The following NBAS variants were observed in gnomAD, a reference collection of about 807,000 sequenced individuals.
The protein encoded by NBAS is NBAS subunit of NRZ tethering complex, also known as NAG/BC035112 fusion.
A neutral mutation model predicts 302.5 loss-of-function variants in NBAS; 219 were observed. That is an observed-to-expected ratio of 0.72 (90% CI 0.65 to 0.81). NBAS has a LOEUF of 0.81. NBAS is among the 30% of genes least tolerant of loss of function. The pLI is 0.00. For missense variants in NBAS, 2,932 were observed against 2,841.6 expected (o/e 1.03, Z -0.72); for synonymous variants, 1,118 against 1,021.6 (o/e 1.09, Z -1.80).
chr2:15,144,037 C>CCATATATATATATA, the NBAS span, among the ~76,000 whole-genome samples: 2 of 45,890 alleles, frequency 4.4e-5, no homozygotes, highest in African/African-American at 3.8e-4. Flanking sequence ...ATATATTATC[C>CCATATATATATATA]TATATATAAA....
the NBAS span, among the ~76,000 whole-genome samples, chr2:14,982,339 G>A: frequency 1.3e-5 from 2 of 152,144 alleles, no homozygotes; most frequent in African/African-American, 2.4e-5. Flanking sequence ...GTTAACCCAC[G>A]GAATGGTGGA....
chr2:15,523,863 G>A (rs1331646621), intron 9 of NBAS, among the ~76,000 whole-genome samples: 7 of 152,098 alleles, frequency 4.6e-5, no homozygotes, highest in Non-Finnish European at 5.9e-5. Flanking sequence ...GTAGTAAGCC[G>A]AGATCACGCC....
At chr2:15,542,661 A>T (rs189960558) in intron 6 of NBAS, among the ~76,000 whole-genome samples, 252 of 152,208 alleles carry the variant, frequency 1.7e-3, no homozygotes, top group African/African-American at 5.8e-3. Context: ...AAAAAAATAA[A>T]AAAAAAATCA....
the NBAS span, among the ~76,000 whole-genome samples, chr2:15,115,310 A>G: frequency 6.6e-6 from 1 of 152,234 alleles, no homozygotes; most frequent in African/African-American, 2.4e-5. Context: ...ACATGGCAAC[A>G]TGTAACTAGG....
intron 44 of NBAS, among the ~76,000 whole-genome samples, chr2:15,255,510 GT>G (rs1268417979): frequency 6.6e-6 from 1 of 152,122 alleles, no homozygotes; most frequent in Non-Finnish European, 1.5e-5. Context: ...CACTCTGTAG[GT>G]TGTTGAGTAG....
At chr2:15,074,953 G>C in the NBAS span, among the ~76,000 whole-genome samples, 1 of 152,308 alleles carries the variant, frequency 6.6e-6, no homozygotes, top group South Asian at 2.1e-4. Flanking sequence ...ACAATACCCA[G>C]TGTTGGTTGA....
the NBAS span, among the ~76,000 whole-genome samples, chr2:15,134,888 G>C: frequency 6.6e-6 from 1 of 152,134 alleles, no homozygotes; most frequent in Non-Finnish European, 1.5e-5. Flanking sequence ...CCCTCTAATG[G>C]GTCGGAGCTT....
intron 40 of NBAS, among the ~76,000 whole-genome samples, chr2:15,301,974 A>G (rs879832574): frequency 1.4e-4 from 22 of 152,198 alleles, no homozygotes; most frequent in Non-Finnish European, 3.2e-4. Flanking sequence ...GGATGTCTAC[A>G]CCTCCATTTT....
Position 15,308,345 on chromosome 2 carries a change from A to G in NBAS, c.4668T>C (p.Asp1556=), listed in dbSNP as rs140727323. ...AYLLALPQVL[D]ANRCFEKQSP... ...ACTGCTTTTCAAAGCACCGGTTAGC[A>G]TCTAACACCTAGGAGGGAACATGTT... The change falls in exon 40 of 52, where the codon GAT becomes GAC. Residue 1556 remains aspartate, a synonymous_variant. Transcript: ENST00000281513. The G allele has an allele frequency of 6.1e-4, 977 of 1,614,104 alleles. 2 individuals carry two copies. Among genetic ancestry groups the G allele is most frequent in the Non-Finnish European group, 6.8e-4 (805 of 1,179,992 alleles).
At chr2:15,118,399 G>T in the NBAS span, among the ~76,000 whole-genome samples, 1 of 152,138 alleles carries the variant, frequency 6.6e-6, no homozygotes, top group South Asian at 2.1e-4. Flanking sequence ...GGTGGTGGTT[G>T]GTATCCAAAA....
Position 15,179,024 on chromosome 2 carries a change from G to T in NBAS, c.6804C>A (p.His2268Gln). ...CCGTGATTTGCTCCAGTGCCATCTC[G>T]TGCAGATGCTCATCTCGGCTCTCGA... Reference protein sequence around the residue: ...LLLESRDEHLHEMALEQITAV... With the variant: ...LLLESRDEHLQEMALEQITAV... The change falls in exon 51 of 52, where the codon CAC (histidine) becomes CAA (glutamine). Residue 2268 changes from histidine to glutamine, a missense_variant. By Grantham distance (24) the His-to-Gln change is conservative. Coordinates refer to ENST00000281513, the MANE Select transcript of NBAS (RefSeq NM_015909.4). 2 of 1,614,060 alleles carry T rather than the reference G, an allele frequency of 1.2e-6. No homozygotes were observed. Among genetic ancestry groups the T allele is most frequent in the Non-Finnish European group, 1.7e-6 (2 of 1,180,026 alleles).
chr2:15,538,183 TTAAA>T (rs200773787), intron 7 of NBAS, among the ~76,000 whole-genome samples: 1,881 of 152,292 alleles, frequency 0.012, 31 homozygotes, highest in Middle Eastern at 0.041. Flanking sequence ...GTAGTTACTA[TTAAA>T]TAAACTTCAC....
intron 11 of NBAS, among the ~76,000 whole-genome samples, chr2:15,490,658 T>C (rs929470013): frequency 6.6e-6 from 1 of 152,150 alleles, no homozygotes; most frequent in East Asian, 1.9e-4. Flanking sequence ...AAGGAAGAGA[T>C]TAAAGTCCTG....
the NBAS span, among the ~76,000 whole-genome samples, chr2:14,784,578 C>T: frequency 6.6e-6 from 1 of 152,152 alleles, no homozygotes; most frequent in Non-Finnish European, 1.5e-5. Flanking sequence ...ATAGGGAATC[C>T]TTTCCCCATT....
intron 35 of NBAS, among the ~76,000 whole-genome samples, chr2:15,337,663 G>C (rs1672652618): frequency 6.6e-6 from 1 of 152,016 alleles, no homozygotes; most frequent in Admixed American, 6.6e-5. Flanking sequence ...GTGATAAAAG[G>C]ATTTTCTGTA....
At chr2:15,417,824 G>T (rs1677023337) in intron 23 of NBAS, 112 bp from the exon 24 acceptor site, 3 of 1,048,464 alleles carry the variant, frequency 2.9e-6, no homozygotes, top group Non-Finnish European at 4.2e-6. Flanking sequence ...TTATAAAATT[G>T]CATTACCAGT....
At chr2:14,979,244 A>G in the NBAS span, among the ~76,000 whole-genome samples, 170 of 152,342 alleles carry the variant, frequency 1.1e-3, no homozygotes, top group Middle Eastern at 6.8e-3. Context: ...AAGAAGATTT[A>G]TAGGAAAGAT....
chr2:15,167,986 T>A (rs2125096212), intron 51 of NBAS, among the ~76,000 whole-genome samples: 1 of 152,374 alleles, frequency 6.6e-6, no homozygotes, highest in South Asian at 2.1e-4. Flanking sequence ...GGAAGCTCAG[T>A]ACCAACCTTG....
the NBAS span, among the ~76,000 whole-genome samples, chr2:14,874,000 C>T: frequency 6.6e-6 from 1 of 151,622 alleles, no homozygotes; most frequent in South Asian, 2.1e-4. Flanking sequence ...TAGACAAAGT[C>T]AATATAATCA....
Sources: allele counts gnomAD v4.1 joint callset (sites outside exome capture counted in the v4.1 genomes callset), GRCh38; gene constraint gnomAD v4.1.1; transcripts MANE v1.5; gene names NCBI Gene and HGNC (gene_info 2026-07-23, HGNC 2026-07-21).